MYOM1: variants seen among roughly 807,000 people sequenced by gnomAD.
MYOM1 encodes myomesin-1.
Under a neutral mutation model 205.3 loss-of-function variants are expected in MYOM1, and 164 were observed. The observed-to-expected ratio is 0.80, with a 90% CI of 0.70 to 0.91. MYOM1 has a LOEUF of 0.91. MYOM1 is among the 40% of genes least tolerant of loss of function. The probability of loss-of-function intolerance (pLI) is 0.00; values close to 1 mark genes in which losing one functional copy is unlikely to be tolerated. For missense variants in MYOM1, 2,011 were observed against 2,127.3 expected, an observed-to-expected ratio of 0.95 and a Z score of 1.08; for synonymous variants, 772 against 789.4, an observed-to-expected ratio of 0.98 and a Z score of 0.37.
chr18:3,193,530 T>C (rs562349789), intron 3 of MYOM1, among the ~76,000 whole-genome samples: 69 of 152,192 alleles, frequency 4.5e-4, no homozygotes, highest in South Asian at 2.3e-3. Context: ...TTGTTTGTCA[T>C]GTAACCATCC....
chr18:3,081,149 A>G (rs1454518285), intron 33 of MYOM1, among the ~76,000 whole-genome samples: 2 of 151,188 alleles, frequency 1.3e-5, no homozygotes, highest in Non-Finnish European at 2.9e-5. Flanking sequence ...AAAAAAAGAG[A>G]GAGAGTTAAA....
the MYOM1 span, among the ~76,000 whole-genome samples, chr18:3,232,399 C>T: frequency 6.6e-6 from 1 of 151,820 alleles, no homozygotes; most frequent in African/African-American, 2.4e-5. Flanking sequence ...AACTTAAATT[C>T]ATGCAAATGA....
Position 3,108,832 on chromosome 18 carries a change from TC to T in MYOM1, c.3418+3465del, listed in dbSNP as rs568398241. Among the ~76,000 whole-genome samples, 4 of 151,566 alleles carry T rather than the reference TC, an allele frequency of 2.6e-5. No individual in the cohort carries two copies. The South Asian group carries it at 8.3e-4, about 32-fold the overall frequency. On this transcript the variant is annotated intron_variant, in intron 22 of 37. Coordinates refer to ENST00000356443, the MANE Select transcript of MYOM1 (RefSeq NM_003803.4). ...GGGATAATAGGCGTGAGGCACCGTGTCCGGCCAATGACAGCATTTCAGAATT... is the reference window on the plus strand; with the variant it reads ...GGGATAATAGGCGTGAGGCACCGTGTCGGCCAATGACAGCATTTCAGAATT...
In MYOM1 at chr18:3,207,327, CAAGAGTAA is replaced by C. The variant is rs373456306; in HGVS notation, c.290+7599_290+7606del. On this transcript the variant is annotated intron_variant, in intron 2 of 37. Coordinates refer to ENST00000356443, the MANE Select transcript of MYOM1 (RefSeq NM_003803.4). ...ATCGGACTACATTATAGTTTTTAAG[CAAGAGTAA>C]AAGAGTTTAACCCCATATTTCCTAG... Among the ~76,000 whole-genome samples the C allele has an allele frequency of 3.1e-3, 467 of 152,238 alleles. 3 individuals carry two copies. Among genetic ancestry groups the C allele is most frequent in the South Asian group, 5.8e-3 (28 of 4,824 alleles).
At chr18:3,210,190 A>G (rs1196848453) in intron 2 of MYOM1, among the ~76,000 whole-genome samples, 1 of 152,242 alleles carries the variant, frequency 6.6e-6, no homozygotes, top group African/African-American at 2.4e-5. Context: ...TTGGTAACAC[A>G]TTTTGAAAGG....
intron 20 of MYOM1, among the ~76,000 whole-genome samples, chr18:3,118,458 G>A (rs11661168): frequency 0.23 from 34,702 of 151,938 alleles, 4,482 homozygotes; most frequent in Admixed American, 0.32. Context: ...CAATCCTCCT[G>A]AGTAGCTGGG....
intron 10 of MYOM1, among the ~76,000 whole-genome samples, chr18:3,158,206 C>T (rs1042592966): frequency 6.6e-6 from 1 of 152,072 alleles, no homozygotes; most frequent in African/African-American, 2.4e-5. Flanking sequence ...ATTTTTGAAA[C>T]AAAGTGATTG....
intron 10 of MYOM1, among the ~76,000 whole-genome samples, chr18:3,163,839 GTTT>G (rs2080430797): frequency 8.1e-6 from 1 of 123,534 alleles, no homozygotes; most frequent in Admixed American, 7.6e-5. Flanking sequence ...TTTTGGTTTT[GTTT>G]TGTTTTGTTT....
chr18:3,193,081 C>T (rs141070159), intron 3 of MYOM1, among the ~76,000 whole-genome samples: 41 of 151,322 alleles, frequency 2.7e-4, no homozygotes, highest in Non-Finnish European at 4.7e-4. Flanking sequence ...CCAACCTGGG[C>T]GATATAGTGA....
In MYOM1 at chr18:3,215,132, C is replaced by T. The variant is rs777908113; in HGVS notation, c.92G>A (p.Arg31Gln). Residue 31 changes from arginine (R) to glutamine (Q), a missense_variant, in exon 2 of 38, where the codon CGG (arginine) becomes CAG (glutamine). Physicochemically the swap from Arg to Gln is conservative, Grantham distance 43. Coordinates refer to ENST00000356443, the MANE Select transcript of MYOM1 (RefSeq NM_003803.4). ...GTAGACGGCGGAGCGTTTCTTCTCC[C>T]GCTGGTAGTGACTCACGGTGCTGCG... is the stretch of plus-strand genomic sequence containing the variant. ...DVRSTVSHYQ[R>Q]EKKRSAVYTQ... 3.1e-6 allele frequency: 5 copies of T among 1,613,770 alleles called. No homozygotes were observed. The Admixed American group carries it at 6.7e-5, about 22-fold the overall frequency.
chr18:3,104,057 T>C (rs2079418239), intron 22 of MYOM1, among the ~76,000 whole-genome samples: 1 of 152,230 alleles, frequency 6.6e-6, no homozygotes, highest in South Asian at 2.1e-4. Flanking sequence ...GTCCACCATA[T>C]GTTACTTTTA....
intron 22 of MYOM1, among the ~76,000 whole-genome samples, chr18:3,111,507 A>T (rs1160842635): frequency 6.6e-6 from 1 of 152,170 alleles, no homozygotes; most frequent in Admixed American, 6.5e-5. Flanking sequence ...GGGTCAGCAA[A>T]CTATGGCCTG....
intron 14 of MYOM1, among the ~76,000 whole-genome samples, chr18:3,140,404 C>CA (rs34922897): frequency 1.3e-3 from 150 of 118,434 alleles, no homozygotes; most frequent in South Asian, 4.2e-3. Context: ...GAGGCTGTCT[C>CA]AAAAAAAAAA....
At position 3,119,925 on chromosome 18, in the gene MYOM1, G is replaced by A. The variant is rs777957115; in HGVS notation, c.3062C>T (p.Ala1021Val). 8.1e-6 allele frequency: 13 copies of A among 1,612,024 alleles called. No individual in the cohort carries two copies. The highest frequency in any genetic ancestry group is 5.0e-5 in the Admixed American group (3 of 59,794). ...VAAMNMAGLG[A>V]PSAVSECFKC... ...GAAGCATTCGCTTACTGCGGAGGGC[G>A]CGCCCAGCCCAGCCATGTTCATGGC... is the stretch of plus-strand genomic sequence containing the variant. Residue 1021 changes from alanine to valine, a missense_variant, in exon 20 of 38, where the codon GCG becomes GTG. Physicochemically the swap from Ala to Val is moderately conservative, Grantham distance 64 (BLOSUM62 0). Coordinates refer to ENST00000356443, the MANE Select transcript of MYOM1 (RefSeq NM_003803.4).
At chr18:3,078,540 C>A (rs2079046661) in intron 34 of MYOM1, among the ~76,000 whole-genome samples, 2 of 152,078 alleles carry the variant, frequency 1.3e-5, no homozygotes, top group Non-Finnish European at 2.9e-5. Context: ...AGTGATCATC[C>A]TAGCTCAGCC....
Position 3,113,075 on chromosome 18 carries a change from G to C in MYOM1, c.3304-663C>G, listed in dbSNP as rs140486569. On this transcript the variant is annotated intron_variant, in intron 21 of 37. Coordinates refer to ENST00000356443, the MANE Select transcript of MYOM1 (RefSeq NM_003803.4). Reference sequence around the variant, plus strand: ...CAAGTTTTTAATGATCAAGATGTGTGCTGAGAATCCACTACATATGTGCCA... The same window carrying C: ...CAAGTTTTTAATGATCAAGATGTGTCCTGAGAATCCACTACATATGTGCCA... Among the ~76,000 whole-genome samples, 21 of 140,174 alleles carry C rather than the reference G, an allele frequency of 1.5e-4. No homozygotes were observed. The East Asian group carries it at 5.9e-3, about 40-fold the overall frequency. The allele number at this position is 140,174 out of a possible 152,430, so 92.0% of individuals were successfully genotyped here.
intron 2 of MYOM1, among the ~76,000 whole-genome samples, chr18:3,203,981 A>G (rs1402148503): frequency 2.0e-5 from 3 of 152,022 alleles, no homozygotes; most frequent in Non-Finnish European, 4.4e-5. Context: ...GTAATATACC[A>G]TATTAATAGA....
chr18:3,163,822 C>CT (rs1336186423), intron 10 of MYOM1, among the ~76,000 whole-genome samples: 152 of 144,260 alleles, frequency 1.1e-3, no homozygotes, highest in African/African-American at 1.8e-3. Flanking sequence ...TCTTTTCTTT[C>CT]TTTTTTTTTT....
chr18:3,139,303 G>C (rs2080016354), intron 14 of MYOM1, among the ~76,000 whole-genome samples: 1 of 152,206 alleles, frequency 6.6e-6, no homozygotes, highest in Admixed American at 6.6e-5. Context: ...TGATAGGGGA[G>C]TGAGAAAAAG....
Sources: gnomAD v4.1 joint callset for allele counts (sites outside exome capture counted in the v4.1 genomes callset) on GRCh38, gnomAD v4.1.1 for gene constraint, MANE v1.5 for transcripts, NCBI Gene and HGNC (gene_info 2026-07-23, HGNC 2026-07-21) for gene names.